Variants in TSC2 observed in about 807,000 individuals in gnomAD.
TSC2 encodes the protein TSC complex subunit 2.
A neutral mutation model predicts 202.2 loss-of-function variants in TSC2; 29 were observed. The observed-to-expected ratio is 0.14, with a 90% CI of 0.11 to 0.20. TSC2 has a LOEUF of 0.20. TSC2 is among the 10% of genes least tolerant of loss of function. The probability of loss-of-function intolerance (pLI) is 1.00; values close to 1 mark genes in which losing one functional copy is unlikely to be tolerated. For missense variants in TSC2, 2,429 were observed against 2,420.0 expected, an observed-to-expected ratio of 1.00 and a Z score of -0.08; for synonymous variants, 1,349 against 1,044.0, an observed-to-expected ratio of 1.29 and a Z score of -5.63.
chr16:2,088,881 G>GCGCGCACACA lies in TSC2; in HGVS notation c.*272_*273insGCGCACACAC, dbSNP rs142285430. On this transcript the variant is annotated 3_prime_UTR_variant, in exon 42 of 42. Coordinates refer to ENST00000219476, the MANE Select transcript of TSC2 (RefSeq NM_000548.5). The stretch of plus-strand genomic sequence containing the variant: ...ACAGCACACTCGCGCGTGCGCGCGC[G>GCGCGCACACA]CACACACACACACACACAGTCACCT... 16 of 421,482 alleles carry GCGCGCACACA rather than the reference G, an allele frequency of 3.8e-5. No homozygotes were observed. The highest frequency in any genetic ancestry group is 1.3e-4 in the African/African-American group (6 of 44,684). 26.1% of individuals were successfully genotyped at this position (421,482 alleles called of 1,614,324 possible).
chr16:2,070,340 T>C (rs978578031), intron 16 of TSC2, 116 bp from the exon 17 acceptor site: 3 of 1,576,044 alleles, frequency 1.9e-6, no homozygotes, highest in African/African-American at 1.3e-5. Flanking sequence ...AGGTCGTGTG[T>C]TTTGAAGCAC....
In TSC2 at chr16:2,079,007, C is replaced by T. The variant is rs918734937; in HGVS notation, c.2967-25C>T. ...CGGCCCGCCCTACCTGGCACCCTGACCCTGGTCACGGCCTCTCCCTCCAGC... is the reference window on the plus strand; with the variant it reads ...CGGCCCGCCCTACCTGGCACCCTGATCCTGGTCACGGCCTCTCCCTCCAGC... On this transcript the variant is annotated intron_variant, in intron 26 of 41. Coordinates refer to ENST00000219476, the MANE Select transcript of TSC2 (RefSeq NM_000548.5). This position sits in a 1 kb window ranked among gnomAD's most constrained non-coding sequence, Gnocchi z 4.6. 44 of 1,611,678 alleles carry T rather than the reference C, an allele frequency of 2.7e-5. No homozygotes were observed. Among genetic ancestry groups the T allele is most frequent in the Non-Finnish European group, 3.4e-5 (40 of 1,179,974 alleles).
In TSC2 at chr16:2,079,573, C is replaced by T. The variant is rs1060500933; in HGVS notation, c.3301C>T (p.His1101Tyr). Residue 1101 changes from histidine to tyrosine, a missense_variant, in exon 29 of 42, where the codon CAT becomes TAT. His to Tyr is a moderately conservative substitution (Grantham distance 83). Coordinates refer to ENST00000219476, the MANE Select transcript of TSC2 (RefSeq NM_000548.5). This position sits in a 1 kb window ranked among gnomAD's most constrained non-coding sequence, Gnocchi z 4.6. ...TCTTCTCAGCTCCAGCCCCGGGGTG[C>T]ATGTGAGACAGACCAAGGAGGCGCC... ...GPESSSSPGV[H>Y]VRQTKEAPAK... 1.2e-6 allele frequency: 2 copies of T among 1,611,032 alleles called. No homozygotes were observed. The highest frequency in any genetic ancestry group is 2.7e-5 in the African/African-American group (2 of 74,924).
At position 2,077,732 on chromosome 16, in the gene TSC2, G is replaced by A. The variant is rs878854088; in HGVS notation, c.2966+6G>A. On this transcript the variant is annotated splice_donor_region_variant and intron_variant, in intron 26 of 41. Transcript: ENST00000219476. ...TCTGAACATGTGGTCCGCAGGTAGC[G>A]GGACTGTCGGGTGGGGGGCACGGAC... 3.1e-6 allele frequency: 5 copies of A among 1,611,984 alleles called. No homozygotes were observed. Among genetic ancestry groups the A allele is most frequent in the East Asian group, 4.5e-5 (2 of 44,868 alleles).
chr16:2,058,543 T>C (rs1187708551), intron 9 of TSC2, among the ~76,000 whole-genome samples: 4 of 152,234 alleles, frequency 2.6e-5, no homozygotes, highest in Admixed American at 6.5e-5. Context: ...TGGTCAGCAG[T>C]GATGGGCTGC....
chr16:2,071,784 G>A lies in TSC2; in HGVS notation c.1947G>A (p.Met649Ile), dbSNP rs775845436. Residue 649 changes from methionine to isoleucine, a missense_variant and splice_region_variant, in exon 19 of 42, where the codon ATG (methionine) becomes ATA (isoleucine). Transcript: ENST00000219476. ...TCAGCTGCTTCTCTTGCTTCTGCAG[G>A]GAGCCAGAGAGAGGCTCTGAGAAGA... ...RFSPYCVCDY[M>I]EPERGSEKKT... 1.2e-5 allele frequency: 19 copies of A among 1,606,354 alleles called. No homozygotes were observed. The highest frequency in any genetic ancestry group is 1.4e-5 in the Non-Finnish European group (17 of 1,177,168).
chr16:2,055,529 G>T lies in TSC2; in HGVS notation c.599+10G>T, dbSNP rs1037449903. ...TCGCAAGGATGGTTCAGTAAGAAAA[G>T]AATTGAGATCCTGTTCTGATAATGG... On this transcript the variant is annotated intron_variant, in intron 6 of 41. Transcript: ENST00000219476. 6 of 1,608,960 alleles carry T rather than the reference G, an allele frequency of 3.7e-6. No homozygotes were observed. Among genetic ancestry groups the T allele is most frequent in the Admixed American group, 1.7e-5 (1 of 60,004 alleles).
rs750617693 is a variant in TSC2, at chr16:2,079,399, G to T, written c.3255G>T (p.Ser1085=). 1.2e-6 allele frequency: 2 copies of T among 1,612,718 alleles called. No individual in the cohort carries two copies. The highest frequency in any genetic ancestry group is 2.2e-5 in the East Asian group (1 of 44,868). ...TGTRSLLGLD[S]GELQSGPESS... ...CCCGGTCGTTACTAGGCCTGGACTC[G>T]GGGGAGCTGCAGTCCGGCCCGGAGT... Residue 1085 remains serine, a synonymous_variant, in exon 28 of 42, where the codon TCG becomes TCT. Transcript: ENST00000219476. The surrounding 1 kb of genome is among the most constrained non-coding windows in gnomAD (Gnocchi z 4.6).
In TSC2 at chr16:2,048,055, CGCGG is replaced by C. The variant is rs1394097411; in HGVS notation, c.-39_-36del. On this transcript the variant is annotated 5_prime_UTR_variant, in exon 1 of 42. Coordinates refer to ENST00000219476, the MANE Select transcript of TSC2 (RefSeq NM_000548.5). ...GTCGGGGCGGCCCGGAGCGCGGTGG[CGCGG>C]CGCGGGGTAAGTGGCGGTCCCCACG... 40 of 1,423,850 alleles carry C rather than the reference CGCGG, an allele frequency of 2.8e-5. No individual in the cohort carries two copies. Among genetic ancestry groups the C allele is most frequent in the Admixed American group, 1.5e-4 (5 of 33,952 alleles). The allele number at this position is 1,423,850 out of a possible 1,614,324, so 88.2% of individuals were successfully genotyped here. A position where few individuals can be genotyped will look rare whatever the true frequency, so the allele number is the denominator to read the frequency against.
At position 2,086,272 on chromosome 16, in the gene TSC2, T is replaced by C. The variant is rs2151572499; in HGVS notation, c.4742T>C (p.Leu1581Pro). The part of the protein sequence containing the change: ...YTEFLTGLGR[L>P]IELKDCQPDK... ...GAGTTCCTGACGGGCCTGGGCCGGCTCATCGAGCTGAAGGACTGCCAGCCG... is the reference window on the plus strand; with the variant it reads ...GAGTTCCTGACGGGCCTGGGCCGGCCCATCGAGCTGAAGGACTGCCAGCCG... Residue 1581 changes from leucine (L) to proline (P), a missense_variant, in exon 37 of 42, where the codon CTC (leucine) becomes CCC (proline). Transcript: ENST00000219476. 1 of 1,612,834 alleles carries C rather than the reference T, an allele frequency of 6.2e-7. No individual in the cohort carries two copies. Among genetic ancestry groups the C allele is most frequent in the Non-Finnish European group, 8.5e-7 (1 of 1,179,958 alleles).
intron 9 of TSC2, among the ~76,000 whole-genome samples, chr16:2,058,265 C>G (rs2086153310): frequency 6.6e-6 from 1 of 152,226 alleles, no homozygotes; most frequent in South Asian, 2.1e-4. Context: ...CCACCAAGGG[C>G]TTGTGCATGC....
chr16:2,060,891 T>TG, intron 11 of TSC2, 78 bp downstream of exon 11: 2 of 1,560,878 alleles, frequency 1.3e-6, no homozygotes, highest in Non-Finnish European at 1.7e-6. Flanking sequence ...GATGGTACCT[T>TG]GGGCCCCATC....
intron 15 of TSC2, 82 bp from the exon 16 acceptor site, chr16:2,065,435 AAG>A (rs1223646548): frequency 7.3e-6 from 6 of 824,976 alleles, no homozygotes; most frequent in East Asian, 2.7e-5. Flanking sequence ...AAAAAAAAAA[AAG>A]GTGTTTGTGG....
rs747002312 is a variant in TSC2, at chr16:2,088,469, C to T, written c.5283C>T (p.Ser1761=). 1.2e-6 allele frequency: 2 copies of T among 1,612,918 alleles called. No homozygotes were observed. Among genetic ancestry groups the T allele is most frequent in the East Asian group, 2.2e-5 (1 of 44,876 alleles). ...RQRICEEAAY[S]NPSLPLVHPP... Reference sequence around the variant, plus strand: ...AGATCTGCGAGGAAGCCGCCTACTCCAACCCCAGCCTACCTCTGGTGCACC... The same window carrying T: ...AGATCTGCGAGGAAGCCGCCTACTCTAACCCCAGCCTACCTCTGGTGCACC... Residue 1761 remains serine (S), a synonymous_variant, in exon 42 of 42, where the codon TCC becomes TCT. Coordinates refer to ENST00000219476, the MANE Select transcript of TSC2 (RefSeq NM_000548.5).
intron 19 of TSC2, 36 bp from the exon 20 acceptor site, chr16:2,072,205 C>CT: frequency 6.2e-7 from 1 of 1,613,272 alleles, no homozygotes; most frequent in Admixed American, 1.7e-5. Context: ...CTCTAGGGTC[C>CT]AGAAGGCCCT....
At chr16:2,059,251 G>C (rs28709874) in intron 10 of TSC2, among the ~76,000 whole-genome samples, 82,801 of 150,842 alleles carry the variant, frequency 0.55, 22,828 homozygotes, top group East Asian at 0.79. Flanking sequence ...TTCCTGACCT[G>C]AAGTGATCCA....
intron 20 of TSC2, 79 bp downstream of exon 20, chr16:2,072,442 C>T (rs924549214): frequency 2.2e-5 from 34 of 1,580,162 alleles, no homozygotes; most frequent in Middle Eastern, 1.8e-4. Flanking sequence ...CTGGGCAGAG[C>T]GAGTGAGACC....
rs397514912 is a variant in TSC2 at position 2,053,374 on chromosome 16, G to C, written c.258G>C (p.Ala86=). Residue 86 remains alanine (A), a synonymous_variant, in exon 4 of 42, where the codon GCG becomes GCC. Transcript: ENST00000219476. ...HAVEALWKAV[A]DLLQPERPLE... ...TGGAAGCACTCTGGAAGGCGGTCGC[G>C]GATCTGTTGCAGCCGGAGCGGCCGC... 9 of 1,591,448 alleles carry C rather than the reference G, an allele frequency of 5.7e-6. No homozygotes were observed. Among genetic ancestry groups the C allele is most frequent in the Non-Finnish European group, 6.8e-6 (8 of 1,170,020 alleles).
intron 10 of TSC2, among the ~76,000 whole-genome samples, chr16:2,059,932 AT>A (rs2086423802): frequency 6.6e-6 from 1 of 152,160 alleles, no homozygotes; most frequent in Non-Finnish European, 1.5e-5. Context: ...AAGTGCTGAG[AT>A]TATAGGCATG....
Sources: gnomAD v4.1 joint callset for allele counts (sites outside exome capture counted in the v4.1 genomes callset) on GRCh38, gnomAD v4.1.1 for gene constraint, Gnocchi (gnomAD v3.1) non-coding constraint, MANE v1.5 for transcripts, NCBI Gene and HGNC (gene_info 2026-07-23, HGNC 2026-07-21) for gene names.